The following BPNT2 variants were observed in gnomAD, a reference collection of about 807,000 sequenced individuals.
BPNT2 encodes Golgi-resident adenosine 3',5'-bisphosphate 3'-phosphatase.
In BPNT2, 11 loss-of-function variants were observed where a neutral mutation model predicts 29.3. The ratio of observed to expected loss-of-function variants is 0.38; its 90% CI spans 0.24 to 0.62. The LOEUF is 0.62. BPNT2 is among the 20% of genes least tolerant of loss of function. BPNT2 has a pLI of 0.62. For missense variants in BPNT2, 459 were observed against 473.4 expected (o/e 0.97, Z 0.28); for synonymous variants, 195 against 187.7 (o/e 1.04, Z -0.32).
chr8:56,984,698 T>C (rs574642240), intron 1 of BPNT2, among the ~76,000 whole-genome samples: 1 of 152,310 alleles, frequency 6.6e-6, no homozygotes, highest in East Asian at 1.9e-4. Flanking sequence ...TTACAGAGCT[T>C]CCCTTCTCAA....
intron 1 of BPNT2, among the ~76,000 whole-genome samples, chr8:56,982,106 G>T (rs932785515): frequency 6.6e-6 from 1 of 151,330 alleles, no homozygotes; most frequent in African/African-American, 2.4e-5. Flanking sequence ...ACATCAAACC[G>T]CTTAAATCAT....
intron 1 of BPNT2, among the ~76,000 whole-genome samples, chr8:56,987,643 C>T (rs993617390): frequency 3.3e-5 from 5 of 152,148 alleles, no homozygotes; most frequent in Non-Finnish European, 7.4e-5. Context: ...TCCTTAATCA[C>T]ACGAGCCAAT....
chr8:56,972,519 C>A (rs1374962373), intron 3 of BPNT2, among the ~76,000 whole-genome samples: 2 of 151,834 alleles, frequency 1.3e-5, no homozygotes, highest in Non-Finnish European at 2.9e-5. Context: ...TAATGAAATA[C>A]CTTTTTATCT....
chr8:56,978,530 C>T (rs1806184150), intron 2 of BPNT2, among the ~76,000 whole-genome samples: 2 of 152,078 alleles, frequency 1.3e-5, no homozygotes, highest in South Asian at 4.1e-4. Flanking sequence ...TTCGACCCAG[C>T]ATTCCCATTA....
At chr8:56,980,235 CG>C (rs1806217060) in intron 1 of BPNT2, 38 bp from the exon 2 acceptor site, 1 of 1,515,848 alleles carries the variant, frequency 6.6e-7, no homozygotes, top group Non-Finnish European at 9.2e-7. Context: ...AAAAGTAAGA[CG>C]AACAATCACT....
In BPNT2 at chr8:56,993,411, C is replaced by A. The variant is rs756466129; in HGVS notation, c.175G>T (p.Gly59Cys). The A allele has an allele frequency of 6.4e-7, 1 of 1,563,234 alleles. No individual in the cohort carries two copies. The highest frequency in any genetic ancestry group is 8.6e-7 in the Non-Finnish European group (1 of 1,160,720). ...AAGPAAAADG[G>C]TVDLREMLAV... ...AGCATCTCGCGCAAGTCCACGGTGC[C>A]CCCATCGGCCGCGGCCGCGGGCCCC... The change falls in exon 1 of 5, where the codon GGC (glycine) becomes TGC (cysteine). Residue 59 changes from glycine to cysteine, a missense_variant. Transcript: ENST00000262644.
chr8:56,967,170 TCC>T, intron 3 of BPNT2: 1 of 456,264 alleles, frequency 2.2e-6, no homozygotes, highest in South Asian at 1.5e-5. Flanking sequence ...CAAGATATAG[TCC>T]ACCATGGCTA....
chr8:56,983,535 C>T (rs1269136978), intron 1 of BPNT2, among the ~76,000 whole-genome samples: 1 of 152,042 alleles, frequency 6.6e-6, no homozygotes, highest in Non-Finnish European at 1.5e-5. Context: ...CAACACAGAG[C>T]CAGTTGCCCT....
Position 56,957,976 on chromosome 8 carries a change from G to C in BPNT2, c.*5817C>G, listed in dbSNP as rs930997487. The C allele has an allele frequency of 1.3e-5, 2 of 151,988 alleles. No individual in the cohort carries two copies. Among genetic ancestry groups the C allele is most frequent in the African/African-American group, 4.8e-5 (2 of 41,366 alleles). 9.4% of individuals were successfully genotyped at this position (151,988 alleles called of 1,614,324 possible). ...TATTCAGAGAATTCAAATTTCGTTTGGCAAAGTATATCCGGGGCAGAGAGT... is the reference window on the plus strand; with the variant it reads ...TATTCAGAGAATTCAAATTTCGTTTCGCAAAGTATATCCGGGGCAGAGAGT... On this transcript the variant is annotated 3_prime_UTR_variant, in exon 5 of 5. Coordinates refer to ENST00000262644, the MANE Select transcript of BPNT2 (RefSeq NM_017813.5).
rs1805862410 is a variant in BPNT2, at chr8:56,962,929, AT to A, written c.*863del. The A allele has an allele frequency of 6.6e-6, 1 of 152,240 alleles. No individual in the cohort carries two copies. Among genetic ancestry groups the A allele is most frequent in the African/African-American group, 2.4e-5 (1 of 41,460 alleles). The allele number at this position is 152,240 out of a possible 1,614,324, so 9.4% of individuals were successfully genotyped here. Reference sequence around the variant, plus strand: ...TTATATTCTTATAGTGCCTTACAGCATATTTTATCGTTAATGAGAAAATGAA... The same window carrying A: ...TTATATTCTTATAGTGCCTTACAGCAATTTTATCGTTAATGAGAAAATGAA... On this transcript the variant is annotated 3_prime_UTR_variant, in exon 5 of 5. Coordinates refer to ENST00000262644, the MANE Select transcript of BPNT2 (RefSeq NM_017813.5).
At chr8:56,965,339 A>C (rs1410431325) in intron 4 of BPNT2, among the ~76,000 whole-genome samples, 1 of 152,202 alleles carries the variant, frequency 6.6e-6, no homozygotes, top group Non-Finnish European at 1.5e-5. Flanking sequence ...AAAACAAAAC[A>C]AAACAAAACA....
chr8:56,958,952 T>C lies in BPNT2; in HGVS notation c.*4841A>G, dbSNP rs550116349. ...GATGAAATATTTTTTGGTTAATTGA[T>C]GTAATGATGACTCACTATGCCTTAT... On this transcript the variant is annotated 3_prime_UTR_variant, in exon 5 of 5. Transcript: ENST00000262644. 16 of 152,238 alleles carry C rather than the reference T, an allele frequency of 1.1e-4. No individual in the cohort carries two copies. Among genetic ancestry groups the C allele is most frequent in the Non-Finnish European group, 1.9e-4 (13 of 68,042 alleles). 9.4% of individuals were successfully genotyped at this position (152,238 alleles called of 1,614,324 possible).
chr8:56,988,491 G>C (rs941527853), intron 1 of BPNT2, among the ~76,000 whole-genome samples: 4 of 152,200 alleles, frequency 2.6e-5, no homozygotes, highest in African/African-American at 9.7e-5. Context: ...AACAAACTTA[G>C]TACAGTGCTT....
chr8:56,992,209 A>G (rs1806428826), intron 1 of BPNT2, among the ~76,000 whole-genome samples: 1 of 152,204 alleles, frequency 6.6e-6, no homozygotes, highest in South Asian at 2.1e-4. Flanking sequence ...GTCACCTTCC[A>G]AAGAAGCCTG....
In BPNT2 at chr8:56,962,780, G is replaced by A. The variant is rs942680159; in HGVS notation, c.*1013C>T. ...AGCAACCATACTCATTCTTGATAAT[G>A]AAAGGATCTTCTATATACAAACCTA... On this transcript the variant is annotated 3_prime_UTR_variant, in exon 5 of 5. Coordinates refer to ENST00000262644, the MANE Select transcript of BPNT2 (RefSeq NM_017813.5). The A allele has an allele frequency of 6.6e-6, 1 of 152,020 alleles. No individual in the cohort carries two copies. Among genetic ancestry groups the A allele is most frequent in the African/African-American group, 2.4e-5 (1 of 41,384 alleles). 9.4% of individuals were successfully genotyped at this position (152,020 alleles called of 1,614,324 possible). A position where few individuals can be genotyped will look rare whatever the true frequency, so the allele number is the denominator to read the frequency against.
At chr8:56,970,187 T>C (rs1806008110) in intron 3 of BPNT2, among the ~76,000 whole-genome samples, 3 of 152,274 alleles carry the variant, frequency 2.0e-5, no homozygotes, top group Admixed American at 6.5e-5. Context: ...ATAAAAATTT[T>C]GTAACTAAGA....
rs1806178277 is a variant in BPNT2, at chr8:56,978,212, T to C, written c.551-67A>G. On this transcript the variant is annotated intron_variant, in intron 2 of 4. Transcript: ENST00000262644. ...TAATGTGCATAAATTCAAGATACAA[T>C]ATTACACTTTAGTTCATTAAAAAAT... The C allele has an allele frequency of 1.3e-5, 13 of 988,780 alleles. No individual in the cohort carries two copies. The South Asian group carries it at 1.5e-4, about 12-fold the overall frequency. The allele number at this position is 988,780 out of a possible 1,614,324, so 61.3% of individuals were successfully genotyped here. A position where few individuals can be genotyped will look rare whatever the true frequency, so the allele number is the denominator to read the frequency against.
intron 1 of BPNT2, among the ~76,000 whole-genome samples, chr8:56,982,737 G>T (rs1177813341): frequency 1.3e-5 from 2 of 152,020 alleles, no homozygotes; most frequent in African/African-American, 4.8e-5. Context: ...GTAGTGGAAG[G>T]GTTATTCTTT....
rs906980000 is a variant in BPNT2, at chr8:56,960,525, T to C, written c.*3268A>G. 7 of 152,200 alleles carry C rather than the reference T, an allele frequency of 4.6e-5. No individual in the cohort carries two copies. The highest frequency in any genetic ancestry group is 8.8e-5 in the Non-Finnish European group (6 of 68,040). 9.4% of individuals were successfully genotyped at this position (152,200 alleles called of 1,614,324 possible). A position where few individuals can be genotyped will look rare whatever the true frequency, so the allele number is the denominator to read the frequency against. On this transcript the variant is annotated 3_prime_UTR_variant, in exon 5 of 5. Transcript: ENST00000262644. ...AAAATGTTTTTGTTACTTCATTATA[T>C]AGTATAAACAATCAACTGAATAATT...
Sources: gnomAD v4.1 joint callset for allele counts (sites outside exome capture counted in the v4.1 genomes callset) on GRCh38, gnomAD v4.1.1 for gene constraint, MANE v1.5 for transcripts, NCBI Gene and HGNC (gene_info 2026-07-23, HGNC 2026-07-21) for gene names.